Variants in SLC9A2 observed in about 807,000 individuals in gnomAD.
SLC9A2 encodes solute carrier family 9 member A2, also known as sodium/hydrogen exchanger 2.
In SLC9A2, 42 loss-of-function variants were observed where a neutral mutation model predicts 71.7. That is an observed-to-expected ratio of 0.59 (90% CI 0.46 to 0.76). SLC9A2 has a LOEUF of 0.76. Ranked by LOEUF, SLC9A2 falls within the 30% of genes least tolerant of loss-of-function variation. The pLI is 0.00. For synonymous variants in SLC9A2, 396 were observed against 392.5 expected (o/e 1.01, Z -0.10); for missense variants, 829 against 1,017.4 (o/e 0.81, Z 2.52).
At chr2:102,653,725 G>A (rs985596499) in intron 1 of SLC9A2, among the ~76,000 whole-genome samples, 2 of 152,188 alleles carry the variant, frequency 1.3e-5, no homozygotes, top group African/African-American at 4.8e-5. Flanking sequence ...CTGGGTCAGT[G>A]AAAGGAAAGA....
chr2:102,635,604 A>T (rs1452898159), intron 1 of SLC9A2, among the ~76,000 whole-genome samples: 1 of 152,256 alleles, frequency 6.6e-6, no homozygotes, highest in African/African-American at 2.4e-5. Context: ...TTCCAAGGAC[A>T]TGGGTGTCTT....
At chr2:102,683,083 G>A (rs550610756) in intron 3 of SLC9A2, among the ~76,000 whole-genome samples, 178 bp from the exon 4 acceptor site, 9 of 152,130 alleles carry the variant, frequency 5.9e-5, no homozygotes, top group Admixed American at 3.3e-4. Context: ...GAAGACCTCC[G>A]GAGATTGCAG....
intron 1 of SLC9A2, among the ~76,000 whole-genome samples, chr2:102,633,031 A>G (rs1038597283): frequency 6.6e-6 from 1 of 152,200 alleles, no homozygotes; most frequent in South Asian, 2.1e-4. Context: ...CTTGTAGCAC[A>G]GAAAGGTGGA....
At chr2:102,622,529 G>A (rs1044705764) in intron 1 of SLC9A2, among the ~76,000 whole-genome samples, 2 of 152,142 alleles carry the variant, frequency 1.3e-5, no homozygotes, top group Non-Finnish European at 2.9e-5. Context: ...TCACCATGCC[G>A]GGTAGGTGTT....
chr2:102,665,446 C>A, intron 3 of SLC9A2, 96 bp downstream of exon 3: 1 of 1,272,146 alleles, frequency 7.9e-7, no homozygotes, highest in Non-Finnish European at 1.1e-6. Flanking sequence ...TTATATGAAA[C>A]ACTAGGTTTT....
chr2:102,651,578 A>T (rs1363408822), intron 1 of SLC9A2, among the ~76,000 whole-genome samples: 2 of 152,212 alleles, frequency 1.3e-5, no homozygotes, highest in Non-Finnish European at 2.9e-5. Context: ...TTGATACAAA[A>T]TATCCATCAA....
intron 5 of SLC9A2, 147 bp from the exon 6 acceptor site, chr2:102,694,267 T>G (rs1677711616): frequency 4.0e-6 from 1 of 250,814 alleles, no homozygotes; most frequent in Non-Finnish European, 7.7e-6. Context: ...CCAAATATCT[T>G]TTGTCATTAC....
chr2:102,629,553 A>G (rs1031626978), intron 1 of SLC9A2, among the ~76,000 whole-genome samples: 1 of 152,122 alleles, frequency 6.6e-6, no homozygotes, highest in Non-Finnish European at 1.5e-5. Flanking sequence ...GAGAAATGTA[A>G]TTACACTTAT....
chr2:102,669,939 T>A (rs1232219244), intron 3 of SLC9A2, among the ~76,000 whole-genome samples: 1 of 152,168 alleles, frequency 6.6e-6, no homozygotes, highest in Non-Finnish European at 1.5e-5. Context: ...GGGAAGGGCG[T>A]ACTTGGCCTC....
Position 102,701,067 on chromosome 2 carries a change from C to T in SLC9A2, c.1587-3C>T, listed in dbSNP as rs750210042. 9.5e-6 allele frequency: 15 copies of T among 1,570,942 alleles called. No homozygotes were observed. The highest frequency in any genetic ancestry group is 2.4e-5 in the South Asian group (2 of 85,050). ...AATTTATTGAAAGTTTCTTTATTTA[C>T]AGGTTTAAGAAGTTTGATGATAAAT... On this transcript the variant is annotated splice_region_variant and splice_polypyrimidine_tract_variant and intron_variant, in intron 7 of 11. Coordinates refer to ENST00000233969, the MANE Select transcript of SLC9A2 (RefSeq NM_003048.6).
intron 2 of SLC9A2, among the ~76,000 whole-genome samples, chr2:102,658,931 C>T (rs1676998413): frequency 6.6e-6 from 1 of 152,120 alleles, no homozygotes; most frequent in Non-Finnish European, 1.5e-5. Context: ...GTAAAGGTGA[C>T]AGTAATGATA....
Position 102,708,141 on chromosome 2 carries a change from C to G in SLC9A2, c.2091C>G (p.Asp697Glu), listed in dbSNP as rs759669566. ...TAGATGGCAATAGCAGCGACTCAGA[C>G]GCAGATGCCGGGACCACCGTGCTCA... Reference protein sequence around the residue: ...SIADGNSSDSDADAGTTVLNL... With the variant: ...SIADGNSSDSEADAGTTVLNL... Residue 697 changes from aspartate to glutamate, a missense_variant, in exon 12 of 12, where the codon GAC (aspartate) becomes GAG (glutamate). Asp to Glu is a conservative substitution (Grantham distance 45, BLOSUM62 2). This residue lies in a region of SLC9A2 where 223 missense variants were observed against 197.5 expected (regional missense o/e 1.13). Transcript: ENST00000233969. The G allele has an allele frequency of 7.4e-6, 12 of 1,613,110 alleles. No individual in the cohort carries two copies. Among genetic ancestry groups the G allele is most frequent in the Non-Finnish European group, 1.0e-5 (12 of 1,179,640 alleles).
intron 1 of SLC9A2, among the ~76,000 whole-genome samples, chr2:102,641,395 C>T (rs1306763352): frequency 6.6e-6 from 1 of 152,004 alleles, no homozygotes; most frequent in Non-Finnish European, 1.5e-5. Context: ...ACACATCACC[C>T]TTTCCCTCTT....
intron 1 of SLC9A2, among the ~76,000 whole-genome samples, chr2:102,643,961 C>G (rs983996038): frequency 3.3e-5 from 5 of 151,422 alleles, no homozygotes; most frequent in African/African-American, 7.3e-5. Context: ...GTATACCTGT[C>G]TCCTAACTTA....
In SLC9A2 at chr2:102,705,905, G is replaced by T; in HGVS notation, c.2037G>T (p.Lys679Asn). 1 of 1,606,388 alleles carries T rather than the reference G, an allele frequency of 6.2e-7. No homozygotes were observed. The highest frequency in any genetic ancestry group is 8.5e-7 in the Non-Finnish European group (1 of 1,176,336). ...CTAAAAATACGAAGCTTCCAGAAAA[G>T]CTACAAAAGAGGAGGACTATTTCTA... ...SLPKNTKLPE[K>N]LQKRRTISIA... The change falls in exon 11 of 12, where the codon AAG becomes AAT. Residue 679 changes from lysine to asparagine, a missense_variant. Physicochemically the swap from Lys to Asn is moderately conservative, Grantham distance 94. Transcript: ENST00000233969.
rs376009834 is a variant in SLC9A2 at position 102,676,976 on chromosome 2, T to C, written c.1005-6285T>C. 1.3e-4 allele frequency among the ~76,000 whole-genome samples: 20 copies of C among 152,208 alleles called. No individual in the cohort carries two copies. In the East Asian group the frequency reaches 1.3e-3, roughly 10 times the overall value. On this transcript the variant is annotated intron_variant, in intron 3 of 11. Transcript: ENST00000233969. Reference sequence around the variant, plus strand: ...TCATATGGAATGGGAGCAAAAGAATTTTGCTTAATTGGTTAATTCTACACA... The same window carrying C: ...TCATATGGAATGGGAGCAAAAGAATCTTGCTTAATTGGTTAATTCTACACA...
intron 1 of SLC9A2, among the ~76,000 whole-genome samples, chr2:102,628,895 T>A (rs776042095): frequency 3.3e-5 from 5 of 152,180 alleles, no homozygotes; most frequent in Non-Finnish European, 5.9e-5. Flanking sequence ...TAGATAGGTA[T>A]AATGCTGATT....
rs1029940496 is a variant in SLC9A2 at position 102,708,167 on chromosome 2, A to G, written c.2117A>G (p.Asn706Ser). 1 of 1,614,046 alleles carries G rather than the reference A, an allele frequency of 6.2e-7. No individual in the cohort carries two copies. The highest frequency in any genetic ancestry group is 8.5e-7 in the Non-Finnish European group (1 of 1,180,036). ...SDADAGTTVL[N>S]LQPRARRFLP... is the part of the protein sequence containing the mutation. ...GCAGATGCCGGGACCACCGTGCTCA[A>G]TTTGCAGCCCAGAGCCAGGCGCTTC... The change falls in exon 12 of 12, where the codon AAT (asparagine) becomes AGT (serine). Residue 706 changes from asparagine (N) to serine (S), a missense_variant. Physicochemically the swap from Asn to Ser is conservative, Grantham distance 46. Around this residue, in one of 3 missense-constraint regions of SLC9A2, gnomAD observed 223 missense variants for 197.5 expected, o/e 1.13. Coordinates refer to ENST00000233969, the MANE Select transcript of SLC9A2 (RefSeq NM_003048.6).
chr2:102,706,548 C>T (rs1468832488), intron 11 of SLC9A2, among the ~76,000 whole-genome samples: 3 of 152,026 alleles, frequency 2.0e-5, no homozygotes, highest in South Asian at 2.1e-4. Context: ...ACATTGTGCA[C>T]ATGTACCCTA....
Sources: allele counts gnomAD v4.1 joint callset (sites outside exome capture counted in the v4.1 genomes callset), GRCh38; gene constraint gnomAD v4.1.1; regional missense constraint gnomAD v4.1.1; transcripts MANE v1.5; gene names NCBI Gene and HGNC (gene_info 2026-07-23, HGNC 2026-07-21).